The following CEP104 variants were observed in gnomAD, a reference collection of about 807,000 sequenced individuals.
CEP104 encodes centrosomal protein 104.
A neutral mutation model predicts 113.3 loss-of-function variants in CEP104; 84 were observed. The observed-to-expected ratio is 0.74, with a 90% CI of 0.62 to 0.89. The LOEUF is 0.89. Ranked by LOEUF, CEP104 falls within the 40% of genes least tolerant of loss-of-function variation. The pLI is 0.00. For synonymous variants in CEP104, 378 were observed against 421.7 expected, an observed-to-expected ratio of 0.90 and a Z score of 1.27; for missense variants, 1,053 against 1,156.6, an observed-to-expected ratio of 0.91 and a Z score of 1.30.
Position 3,839,772 on chromosome 1 carries a change from A to G in CEP104, c.571T>C (p.Ser191Pro). The G allele has an allele frequency of 1.2e-6, 2 of 1,608,180 alleles. No homozygotes were observed. The highest frequency in any genetic ancestry group is 1.7e-6 in the Non-Finnish European group (2 of 1,178,280). ...TCATCTAGCGGAGAGATATAGTCAGATTTCCTAAAGGGAAGAAATGCATAT... is the reference window on the plus strand; with the variant it reads ...TCATCTAGCGGAGAGATATAGTCAGGTTTCCTAAAGGGAAGAAATGCATAT... The part of the protein sequence containing the change: ...PALEGTYARK[S>P]DYISPLDDLA... Residue 191 changes from serine (S) to proline (P), a missense_variant, in exon 7 of 22, where the codon TCT becomes CCT. Transcript: ENST00000378230.
At position 3,826,568 on chromosome 1, in the gene CEP104, T is replaced by C. The variant is rs4648344; in HGVS notation, c.2189-132A>G. On this transcript the variant is annotated intron_variant, in intron 16 of 21. Transcript: ENST00000378230. ...GCATGTTTTCCATTCAGCTGGGAGA[T>C]GGCTGAGGTGCAGCAGGCGTGCAGT... 622,610 of 1,286,342 alleles carry C rather than the reference T, an allele frequency of 0.48. 159,408 individuals carry two copies. Among genetic ancestry groups the C allele is most frequent in the African/African-American group, 0.72 (49,082 of 68,104 alleles). The allele number at this position is 1,286,342 out of a possible 1,614,324, so 79.7% of individuals were successfully genotyped here. A position where few individuals can be genotyped will look rare whatever the true frequency, so the allele number is the denominator to read the frequency against.
In CEP104 at chr1:3,812,921, G is replaced by A. The variant is rs1251873349; in HGVS notation, c.*2481C>T. The A allele has an allele frequency of 6.6e-6, 1 of 152,062 alleles. No homozygotes were observed. Among genetic ancestry groups the A allele is most frequent in the African/African-American group, 2.4e-5 (1 of 41,412 alleles). 9.4% of individuals were successfully genotyped at this position (152,062 alleles called of 1,614,324 possible). A position where few individuals can be genotyped will look rare whatever the true frequency, so the allele number is the denominator to read the frequency against. The stretch of plus-strand genomic sequence containing the variant: ...CCTGTAACTAACAAAAGAGGAACCT[G>A]TTTTAAATGAACCCGTTTGCTTGTC... On this transcript the variant is annotated 3_prime_UTR_variant, in exon 22 of 22. Transcript: ENST00000378230.
Position 3,850,081 on chromosome 1 carries a change from T to C in CEP104, c.114-1300A>G, listed in dbSNP as rs1033996589. Among the ~76,000 whole-genome samples the C allele has an allele frequency of 2.6e-5, 4 of 152,220 alleles. 1 individual carries two copies. Among genetic ancestry groups the C allele is most frequent in the Admixed American group, 2.6e-4 (4 of 15,274 alleles). The stretch of plus-strand genomic sequence containing the variant: ...AATAGGCTATGCCACAGAGCCTAGG[T>C]GTGTAGCAGTAGGCTGTACCATCTG... On this transcript the variant is annotated intron_variant, in intron 2 of 21. Transcript: ENST00000378230.
chr1:3,826,646 C>A lies in CEP104; in HGVS notation c.2188+62G>T, dbSNP rs1644097292. On this transcript the variant is annotated intron_variant, in intron 16 of 21. Transcript: ENST00000378230. The stretch of plus-strand genomic sequence containing the variant: ...TCCCACATGGAGCTTCCATGACATG[C>A]ATTTACACACCCCGATTCTTTACAC... 6.4e-6 allele frequency: 10 copies of A among 1,572,642 alleles called. No homozygotes were observed. In the South Asian group the frequency reaches 1.1e-4, roughly 17 times the overall value.
intron 2 of CEP104, among the ~76,000 whole-genome samples, chr1:3,850,017 A>G (rs1463836469): frequency 6.6e-6 from 1 of 152,244 alleles, no homozygotes; most frequent in African/African-American, 2.4e-5. Context: ...TACCGTGTTC[A>G]GCACTGTCAC....
chr1:3,822,636 G>A (rs761946077), intron 20 of CEP104: 15 of 153,580 alleles, frequency 9.8e-5, no homozygotes, highest in East Asian at 1.9e-4. Flanking sequence ...CCTCCTCGTC[G>A]CCTCCAATGC....
Position 3,813,900 on chromosome 1 carries a change from G to A in CEP104, c.*1502C>T, listed in dbSNP as rs1228123049. 6.6e-6 allele frequency: 1 copy of A among 152,048 alleles called. No homozygotes were observed. The highest frequency in any genetic ancestry group is 6.5e-5 in the Admixed American group (1 of 15,270). The allele number at this position is 152,048 out of a possible 1,614,324, so 9.4% of individuals were successfully genotyped here. On this transcript the variant is annotated 3_prime_UTR_variant, in exon 22 of 22. Transcript: ENST00000378230. ...CAGAGCATATTCTTAAAGGTTCCTG[G>A]TAGGTCTTATATCTTACTCAGTATT...
intron 14 of CEP104, 171 bp downstream of exon 14, chr1:3,829,620 T>C (rs544509506): frequency 1.4e-6 from 1 of 735,986 alleles, no homozygotes; most frequent in East Asian, 2.7e-5. Flanking sequence ...TGGCAGAAAG[T>C]GGAGCAGCCG....
At chr1:3,836,468 G>GTTTTTTT (rs36051675) in intron 10 of CEP104, 27 bp downstream of exon 10, 512 of 1,010,666 alleles carry the variant, frequency 5.1e-4, no homozygotes, top group South Asian at 1.2e-3. Context: ...CTGCCACCCC[G>GTTTTTTT]TTTTTTTTTT....
intron 13 of CEP104, 27 bp downstream of exon 13, chr1:3,831,019 G>A: frequency 6.2e-7 from 1 of 1,604,520 alleles, no homozygotes; most frequent in Non-Finnish European, 8.5e-7. Context: ...TGGGCCGCGT[G>A]GTGTGTCACA....
At chr1:3,838,115 G>A (rs1051072491) in intron 8 of CEP104, among the ~76,000 whole-genome samples, 8 of 152,220 alleles carry the variant, frequency 5.3e-5, no homozygotes, top group Non-Finnish European at 7.3e-5. Context: ...TGGAATGGTG[G>A]TGCCCGGATT....
intron 6 of CEP104, among the ~76,000 whole-genome samples, chr1:3,840,650 T>C (rs1012774690): frequency 6.6e-5 from 10 of 152,176 alleles, no homozygotes; most frequent in Non-Finnish European, 1.3e-4. Context: ...GCAATTCTCA[T>C]GCCTCAGCCT....
intron 18 of CEP104, among the ~76,000 whole-genome samples, chr1:3,825,264 C>T (rs1324296845): frequency 6.6e-6 from 1 of 152,166 alleles, no homozygotes; most frequent in Non-Finnish European, 1.5e-5. Flanking sequence ...GGCAATCCCA[C>T]AACACATTGT....
At chr1:3,837,970 T>C (rs1048116318) in intron 8 of CEP104, among the ~76,000 whole-genome samples, 1 of 152,210 alleles carries the variant, frequency 6.6e-6, no homozygotes, top group African/African-American at 2.4e-5. Flanking sequence ...GACTGACCAG[T>C]TGCTGCACAC....
chr1:3,848,270 C>T (rs56881298), intron 3 of CEP104, among the ~76,000 whole-genome samples: 5,433 of 152,130 alleles, frequency 0.036, 356 homozygotes, highest in African/African-American at 0.12. Context: ...CGGTGACTCA[C>T]GCCTGTAATC....
At chr1:3,821,495 G>C (rs1643971263) in intron 20 of CEP104, among the ~76,000 whole-genome samples, 1 of 152,210 alleles carries the variant, frequency 6.6e-6, no homozygotes, top group African/African-American at 2.4e-5. Flanking sequence ...GGTCACCACA[G>C]AGTGGACGAG....
At chr1:3,856,118 T>A (rs1336693154) in intron 1 of CEP104, among the ~76,000 whole-genome samples, 1 of 152,208 alleles carries the variant, frequency 6.6e-6, no homozygotes, top group Admixed American at 6.5e-5. Flanking sequence ...TAAGAAGACT[T>A]TTAAGTGTGA....
rs370867227 is a variant in CEP104, at chr1:3,837,483, C to A, written c.928G>T (p.Ala310Ser). 5 of 1,613,992 alleles carry A rather than the reference C, an allele frequency of 3.1e-6. No individual in the cohort carries two copies. In the African/African-American group the frequency reaches 6.7e-5, roughly 22 times the overall value. ...RPFDLPLQPL[A>S]RSGSPCHQKP... ...TGGTGGCAAGGACTGCCAGAACGAG[C>A]GAGGGGCTGGAGGGGCAAATCAAAA... Residue 310 changes from alanine to serine, a missense_variant, in exon 9 of 22, where the codon GCT becomes TCT. Coordinates refer to ENST00000378230, the MANE Select transcript of CEP104 (RefSeq NM_014704.4).
At chr1:3,856,308 G>A (rs894961448) in intron 1 of CEP104, among the ~76,000 whole-genome samples, 1 of 152,180 alleles carries the variant, frequency 6.6e-6, no homozygotes, top group African/African-American at 2.4e-5. Context: ...CTTGAACCCG[G>A]GAGGCGGAGG....
Sources: gnomAD v4.1 joint callset for allele counts (sites outside exome capture counted in the v4.1 genomes callset) on GRCh38, gnomAD v4.1.1 for gene constraint, MANE v1.5 for transcripts, NCBI Gene and HGNC (gene_info 2026-07-23, HGNC 2026-07-21) for gene names.